Variants in KLC1 observed in about 807,000 individuals in gnomAD.
KLC1 encodes the protein kinesin 2 60/70kDa.
In KLC1, 30 loss-of-function variants were observed where a neutral mutation model predicts 84.2. The ratio of observed to expected loss-of-function variants is 0.36; its 90% CI spans 0.27 to 0.48. The LOEUF is 0.48. KLC1 is among the 20% of genes least tolerant of loss of function. The pLI is 0.99. For missense variants in KLC1, 499 were observed against 805.4 expected, an observed-to-expected ratio of 0.62 and a Z score of 4.60; for synonymous variants, 289 against 293.3, an observed-to-expected ratio of 0.99 and a Z score of 0.15.
rs145739696 is a variant in KLC1 at position 103,669,437 on chromosome 14, A to AAAAAGAAAAAAAAAGAAAAG, written c.798-65_798-64insAAAAAGAAAAGAAAAGAAAA. The AAAAAGAAAAAAAAAGAAAAG allele has an allele frequency of 2.4e-4, 209 of 857,850 alleles. 1 individual carries two copies. The African/African-American group carries it at 2.6e-3, about 11-fold the overall frequency. The allele number at this position is 857,850 out of a possible 1,614,324, so 53.1% of individuals were successfully genotyped here. ...CAACAGAGTCAGACTCTGTCTAAAA[A>AAAAAGAAAAAAAAAGAAAAG]AAAAGAAAAGAAAAGAAAAGAAAAG... is the stretch of plus-strand genomic sequence containing the variant. On this transcript the variant is annotated intron_variant, in intron 5 of 16. Transcript: ENST00000334553.
intron 1 of KLC1, among the ~76,000 whole-genome samples, chr14:103,632,086 C>T (rs939006174): frequency 3.9e-5 from 6 of 152,108 alleles, no homozygotes; most frequent in African/African-American, 1.2e-4. Flanking sequence ...GAGTAGTCAG[C>T]GATACCTTGA....
chr14:103,650,300 A>G (rs1289377792), intron 1 of KLC1, among the ~76,000 whole-genome samples: 1 of 152,108 alleles, frequency 6.6e-6, no homozygotes, highest in Non-Finnish European at 1.5e-5. Context: ...ACCACACCCC[A>G]GGGTAGGTGA....
chr14:103,699,321 T>C (rs1273671719), intron 15 of KLC1: 9 of 1,560,334 alleles, frequency 5.8e-6, no homozygotes, highest in East Asian at 2.4e-5. Context: ...GCATCCTGGC[T>C]AAAAATACGA....
At chr14:103,666,985 G>A (rs1054713594) in intron 5 of KLC1, among the ~76,000 whole-genome samples, 4 of 145,896 alleles carry the variant, frequency 2.7e-5, no homozygotes, top group African/African-American at 1.0e-4. Context: ...ATCATTCTTG[G>A]TCAGGCTGGT....
intron 5 of KLC1, among the ~76,000 whole-genome samples, chr14:103,664,663 C>T (rs545848078): frequency 6.8e-4 from 104 of 152,002 alleles, no homozygotes; most frequent in African/African-American, 2.5e-3. Flanking sequence ...CACAGGCATG[C>T]ACCACTACAC....
chr14:103,642,959 C>T (rs921366280), intron 1 of KLC1, among the ~76,000 whole-genome samples: 1 of 151,786 alleles, frequency 6.6e-6, no homozygotes, highest in African/African-American at 2.4e-5. Context: ...TTAGTAGAGA[C>T]GGGGTTTCAC....
At position 103,689,580 on chromosome 14, in the gene KLC1, A is replaced by C. The variant is rs149992821; in HGVS notation, c.1781+2369A>C. Among the ~76,000 whole-genome samples, 63 of 152,262 alleles carry C rather than the reference A, an allele frequency of 4.1e-4. 1 individual carries two copies. Among genetic ancestry groups the C allele is most frequent in the African/African-American group, 1.5e-3 (61 of 41,552 alleles). ...TTTTGGAGGGTTTGTTCAGACAGAG[A>C]CTGTGAGGCCCCACCCCTGAGTTTC... On this transcript the variant is annotated intron_variant, in intron 14 of 16. Transcript: ENST00000334553.
rs754089796 is a variant in KLC1 at position 103,698,941 on chromosome 14, G to A, written c.1849-1714G>A. 44 of 1,600,260 alleles carry A rather than the reference G, an allele frequency of 2.7e-5. No homozygotes were observed. Among genetic ancestry groups the A allele is most frequent in the Middle Eastern group, 1.6e-4 (1 of 6,064 alleles). The stretch of plus-strand genomic sequence containing the variant: ...AGGGCAGCCTCTTCCTCGCGGAGCC[G>A]GTCAGCCAGCAGTCTCACCAGGAGC... On this transcript the variant is annotated intron_variant, in intron 15 of 16. Transcript: ENST00000334553.
rs1298977986 is a variant in KLC1, at chr14:103,693,393, A to C, written c.1848+968A>C. ...GTAGCTGACCCAGTGTTTGCCCTCC[A>C]GTTTCTTGGAGTTTCTACATGCACA... On this transcript the variant is annotated intron_variant, in intron 15 of 16. Coordinates refer to ENST00000334553, the MANE Select transcript of KLC1 (RefSeq NM_001394837.1). The surrounding 1 kb of genome is among the most constrained non-coding windows in gnomAD (Gnocchi z 5.1). Among the ~76,000 whole-genome samples the C allele has an allele frequency of 6.6e-6, 1 of 151,874 alleles. No individual in the cohort carries two copies. Among genetic ancestry groups the C allele is most frequent in the African/African-American group, 2.4e-5 (1 of 41,322 alleles).
At chr14:103,662,032 A>G (rs2079339548) in intron 3 of KLC1, 84 bp from the exon 4 acceptor site, 6 of 861,512 alleles carry the variant, frequency 7.0e-6, no homozygotes, top group Non-Finnish European at 1.2e-5. Flanking sequence ...TTCTTAGTTA[A>G]AATGTATTTA....
intron 9 of KLC1, among the ~76,000 whole-genome samples, chr14:103,674,155 A>G (rs2080675428): frequency 1.3e-5 from 2 of 152,166 alleles, no homozygotes; most frequent in African/African-American, 4.8e-5. Context: ...ACCCAAATTC[A>G]TCTTTTCACA....
intron 2 of KLC1, 154 bp downstream of exon 2, chr14:103,654,979 C>A: frequency 1.2e-6 from 1 of 825,906 alleles, no homozygotes; most frequent in Non-Finnish European, 1.8e-6. Context: ...GTAATCCAAG[C>A]ACTTTGGGAG....
chr14:103,665,425 T>TTGTCC (rs901111123), intron 5 of KLC1, among the ~76,000 whole-genome samples: 4 of 151,960 alleles, frequency 2.6e-5, no homozygotes, highest in Non-Finnish European at 4.4e-5. Flanking sequence ...TTGTCTTGTC[T>TTGTCC]TGTCCTGTCC....
chr14:103,641,648 G>A (rs571103047), intron 1 of KLC1, among the ~76,000 whole-genome samples: 1 of 152,186 alleles, frequency 6.6e-6, no homozygotes, highest in South Asian at 2.1e-4. Context: ...CCAAGCTGGA[G>A]TGCAGTGGCA....
intron 5 of KLC1, among the ~76,000 whole-genome samples, chr14:103,666,380 A>T (rs187973848): frequency 2.0e-5 from 3 of 146,366 alleles, no homozygotes; most frequent in Admixed American, 2.0e-4. Flanking sequence ...GGCTTCTTAA[A>T]CCCACTTGAT....
rs2082317377 is a variant in KLC1, at chr14:103,694,638, C to T, written c.1848+2213C>T. 1.0e-6 allele frequency: 1 copy of T among 985,492 alleles called. No individual in the cohort carries two copies. The highest frequency in any genetic ancestry group is 4.7e-5 in the South Asian group (1 of 21,290). 61.0% of individuals were successfully genotyped at this position (985,492 alleles called of 1,614,324 possible). On this transcript the variant is annotated intron_variant, in intron 15 of 16. Coordinates refer to ENST00000334553, the MANE Select transcript of KLC1 (RefSeq NM_001394837.1). The surrounding 1 kb of genome is among the most constrained non-coding windows in gnomAD (Gnocchi z 4.5). ...CAAAGGCTGACGCTCAGCAGCGCCA[C>T]CTCCATGCCAGCCAACTAGGCTACG...
chr14:103,693,898 G>A lies in KLC1; in HGVS notation c.1848+1473G>A, dbSNP rs1224055730. The A allele has an allele frequency of 1.0e-5, 13 of 1,303,600 alleles. No homozygotes were observed. The highest frequency in any genetic ancestry group is 9.5e-5 in the East Asian group (3 of 31,698). 80.8% of individuals were successfully genotyped at this position (1,303,600 alleles called of 1,614,324 possible). A position where few individuals can be genotyped will look rare whatever the true frequency, so the allele number is the denominator to read the frequency against. On this transcript the variant is annotated intron_variant, in intron 15 of 16. Coordinates refer to ENST00000334553, the MANE Select transcript of KLC1 (RefSeq NM_001394837.1). This position sits in a 1 kb window ranked among gnomAD's most constrained non-coding sequence, Gnocchi z 5.1. ...GGTGGCGCTGAGGTGGCTTCAGCAC[G>A]CTGGGGATTGGCTCCTGCTCACGGA...
chr14:103,631,445 A>G (rs1396758028), intron 1 of KLC1, among the ~76,000 whole-genome samples: 5 of 152,160 alleles, frequency 3.3e-5, no homozygotes, highest in East Asian at 1.9e-4. Flanking sequence ...AAAAAAGTCA[A>G]TGTGTAACTT....
At chr14:103,670,429 A>G (rs1241620203) in intron 7 of KLC1, 146 bp downstream of exon 7, 6 of 534,410 alleles carry the variant, frequency 1.1e-5, no homozygotes, top group South Asian at 2.2e-5. Flanking sequence ...CCCCACCTCC[A>G]TGGTTCAGGT....
Sources: gnomAD v4.1 joint callset for allele counts (sites outside exome capture counted in the v4.1 genomes callset) on GRCh38, gnomAD v4.1.1 for gene constraint, Gnocchi (gnomAD v3.1) non-coding constraint, MANE v1.5 for transcripts, NCBI Gene and HGNC (gene_info 2026-07-23, HGNC 2026-07-21) for gene names.